EPM2A: variants seen among roughly 807,000 people sequenced by gnomAD.
EPM2A encodes the protein EPM2A glucan phosphatase, laforin, also known as laforin.
Under a neutral mutation model 26.5 loss-of-function variants are expected in EPM2A, and 21 were observed. That is an observed-to-expected ratio of 0.79 (90% CI 0.56 to 1.14). The LOEUF (loss-of-function observed/expected upper bound fraction) is 1.14. EPM2A is among the 50% of genes most tolerant of loss of function. The pLI is 0.00. For missense variants in EPM2A, 458 were observed against 440.8 expected (o/e 1.04, Z -0.35); for synonymous variants, 217 against 177.6 (o/e 1.22, Z -1.76).
At chr6:145,617,243 T>G (rs772187747) in intron 2 of EPM2A, among the ~76,000 whole-genome samples, 3 of 152,124 alleles carry the variant, frequency 2.0e-5, no homozygotes, top group African/African-American at 7.2e-5. Context: ...CTGCACAAGT[T>G]TTCTTCTTCT....
chr6:145,705,604 T>TA, intron 1 of EPM2A: 1 of 455,754 alleles, frequency 2.2e-6, no homozygotes, highest in Non-Finnish European at 4.4e-6. Flanking sequence ...TCTCCCATGT[T>TA]AGAGTTCATT....
At chr6:145,679,458 G>C (rs1040191741) in intron 2 of EPM2A, among the ~76,000 whole-genome samples, 1 of 151,386 alleles carries the variant, frequency 6.6e-6, no homozygotes, top group Non-Finnish European at 1.5e-5. Context: ...AGAAAAAAAA[G>C]AAATGCAAAA....
chr6:145,703,794 C>A (rs1272252126), intron 1 of EPM2A, among the ~76,000 whole-genome samples: 1 of 152,162 alleles, frequency 6.6e-6, no homozygotes, highest in Admixed American at 6.5e-5. Context: ...TTTAACTCAT[C>A]TTGTGGGACT....
intron 2 of EPM2A, among the ~76,000 whole-genome samples, chr6:145,533,461 C>A (rs1780389707): frequency 6.6e-6 from 1 of 152,176 alleles, no homozygotes; most frequent in African/African-American, 2.4e-5. Context: ...CTTTTCATTT[C>A]TTTTGGAAAA....
Position 145,631,587 on chromosome 6 carries a change from C to G in EPM2A, c.718+3658G>C, listed in dbSNP as rs376887588. The G allele has an allele frequency of 9.9e-5, 15 of 152,272 alleles. No homozygotes were observed. The East Asian group carries it at 1.4e-3, about 14-fold the overall frequency. 9.4% of individuals were successfully genotyped at this position (152,272 alleles called of 1,614,324 possible). A position where few individuals can be genotyped will look rare whatever the true frequency, so the allele number is the denominator to read the frequency against. On this transcript the variant is annotated intron_variant, in intron 3 of 3. Coordinates refer to ENST00000367519, the MANE Select transcript of EPM2A (RefSeq NM_005670.4). ...AAACAGCAATAAAAGCCTATTTGAT[C>G]TGAGACACTACTAAGCACTTCTAGC...
chr6:145,587,719 C>T (rs1306974710), intron 2 of EPM2A, among the ~76,000 whole-genome samples: 1 of 152,184 alleles, frequency 6.6e-6, no homozygotes, highest in Non-Finnish European at 1.5e-5. Context: ...ATTTTCATTA[C>T]TGAGCAGAAT....
chr6:145,722,282 T>C (rs1775984173), intron 1 of EPM2A, among the ~76,000 whole-genome samples: 1 of 152,146 alleles, frequency 6.6e-6, no homozygotes. Context: ...AAACAACACA[T>C]TAAATGAATA....
chr6:145,529,904 A>C (rs1049971830), intron 2 of EPM2A, among the ~76,000 whole-genome samples: 1 of 152,230 alleles, frequency 6.6e-6, no homozygotes, highest in African/African-American at 2.4e-5. Flanking sequence ...GTAAGTACTG[A>C]AGCTCCTAAA....
chr6:145,465,325 T>C (rs1346704875), intron 4 of EPM2A, among the ~76,000 whole-genome samples: 1 of 150,270 alleles, frequency 6.7e-6, no homozygotes, highest in East Asian at 2.0e-4. Context: ...CTCCATCAGC[T>C]CCTTTAAGCA....
intron 4 of EPM2A, among the ~76,000 whole-genome samples, chr6:145,400,106 C>T (rs1270032803): frequency 6.6e-6 from 1 of 152,172 alleles, no homozygotes; most frequent in Non-Finnish European, 1.5e-5. Context: ...ATTCTTTTGG[C>T]TCTAAGTCCC....
chr6:145,480,133 A>G (rs1447626668), intron 4 of EPM2A, among the ~76,000 whole-genome samples: 1 of 151,750 alleles, frequency 6.6e-6, no homozygotes, highest in Non-Finnish European at 1.5e-5. Flanking sequence ...TCAGTAGTGT[A>G]TTTGTTCACA....
downstream of EPM2A, among the ~76,000 whole-genome samples, chr6:145,623,294 TA>T (rs1379528044): frequency 6.6e-6 from 1 of 152,110 alleles, no homozygotes; most frequent in Non-Finnish European, 1.5e-5. Flanking sequence ...TGAAGAAAAA[TA>T]AAGCAGAGAC....
At chr6:145,631,591 G>A (rs1406170577) in intron 3 of EPM2A, 1 of 152,172 alleles carries the variant, frequency 6.6e-6, no homozygotes, top group Non-Finnish European at 1.5e-5. Flanking sequence ...TTTGATCTGA[G>A]ACACTACTAA....
chr6:145,730,163 T>C (rs913529260), intron 1 of EPM2A, among the ~76,000 whole-genome samples: 1 of 152,198 alleles, frequency 6.6e-6, no homozygotes, highest in African/African-American at 2.4e-5. Flanking sequence ...AAACCTCTTC[T>C]CATTATAAAT....
intron 4 of EPM2A, among the ~76,000 whole-genome samples, chr6:145,418,901 T>C (rs556941261): frequency 6.6e-6 from 1 of 152,336 alleles, no homozygotes; most frequent in Non-Finnish European, 1.5e-5. Flanking sequence ...AAATGTCTTT[T>C]TAAATTACGT....
In EPM2A at chr6:145,511,736, A is replaced by C. The variant is rs575978841; in HGVS notation, c.341-9161T>G. ...ATGTCCATTCCCACCGCTCCTATTC[A>C]ATATAGTAGTGGAAGCCCTAGCCAG... On this transcript the variant is annotated intron_variant, in intron 2 of 3. Coordinates refer to the EPM2A transcript ENST00000450221. Among the ~76,000 whole-genome samples the C allele has an allele frequency of 2.6e-5, 4 of 152,322 alleles. No homozygotes were observed. The South Asian group carries it at 8.3e-4, about 32-fold the overall frequency.
At chr6:145,723,359 GAAGA>G (rs201034004) in intron 1 of EPM2A, among the ~76,000 whole-genome samples, 1,830 of 152,182 alleles carry the variant, frequency 0.012, 53 homozygotes, top group Admixed American at 0.063. Context: ...CAGCATGAAG[GAAGA>G]GAGTTCCAAA....
At chr6:145,587,254 T>C (rs1326600864) in intron 2 of EPM2A, among the ~76,000 whole-genome samples, 1 of 152,148 alleles carries the variant, frequency 6.6e-6, no homozygotes, top group Non-Finnish European at 1.5e-5. Flanking sequence ...TCCTAACATG[T>C]TGTGTTTTTT....
chr6:145,595,079 A>T (rs13206726), intron 2 of EPM2A, among the ~76,000 whole-genome samples: 2 of 151,500 alleles, frequency 1.3e-5, no homozygotes, highest in Admixed American at 1.3e-4. Context: ...TGTAATCTGG[A>T]ATTCATTCTA....
Sources: gnomAD v4.1 joint callset for allele counts (sites outside exome capture counted in the v4.1 genomes callset) on GRCh38, gnomAD v4.1.1 for gene constraint, MANE v1.5 for transcripts, NCBI Gene and HGNC (gene_info 2026-07-23, HGNC 2026-07-21) for gene names.